The following ATXN7 variants were observed in gnomAD, a reference collection of about 807,000 sequenced individuals.
ATXN7 encodes ataxin 7, also known as ataxin-7.
In ATXN7, 12 loss-of-function variants were observed where a neutral mutation model predicts 70.5. The observed-to-expected ratio is 0.17, with a 90% CI of 0.11 to 0.28. The LOEUF (loss-of-function observed/expected upper bound fraction) is 0.28. ATXN7 is among the 10% of genes least tolerant of loss of function. ATXN7 has a pLI of 1.00. For synonymous variants in ATXN7, 498 were observed against 448.7 expected (o/e 1.11, Z -1.39); for missense variants, 1,256 against 1,131.7 (o/e 1.11, Z -1.58).
At chr3:63,957,708 T>A (rs1449783088) in intron 5 of ATXN7, among the ~76,000 whole-genome samples, 5 of 152,212 alleles carry the variant, frequency 3.3e-5, no homozygotes, top group Non-Finnish European at 5.9e-5. Flanking sequence ...TAGTGTGATA[T>A]TATCAGGAAA....
chr3:63,905,614 A>G (rs1312329745), intron 2 of ATXN7: 1 of 152,226 alleles, frequency 6.6e-6, no homozygotes, highest in African/African-American at 2.4e-5. Context: ...ACCATTTGGA[A>G]AAATCCTCAT....
chr3:63,934,737 T>C (rs1424628694), intron 4 of ATXN7, among the ~76,000 whole-genome samples: 1 of 152,218 alleles, frequency 6.6e-6, no homozygotes, highest in African/African-American at 2.4e-5. Flanking sequence ...TGTTTCAGTT[T>C]CCTCAAAGTG....
intron 11 of ATXN7, among the ~76,000 whole-genome samples, chr3:63,993,789 T>A (rs2075711573): frequency 6.6e-6 from 1 of 152,190 alleles, no homozygotes; most frequent in South Asian, 2.1e-4. Context: ...CCTGGCTTCC[T>A]GAGCCACCTG....
At chr3:63,966,029 T>C (rs1001638106) in intron 5 of ATXN7, among the ~76,000 whole-genome samples, 13 of 152,230 alleles carry the variant, frequency 8.5e-5, no homozygotes, top group African/African-American at 3.1e-4. Flanking sequence ...CCCTGGTTTT[T>C]TACAGGGTTG....
chr3:63,997,832 G>A, intron 12 of ATXN7: 1 of 1,446,022 alleles, frequency 6.9e-7, no homozygotes, highest in Non-Finnish European at 9.1e-7. Flanking sequence ...CTAATATTTG[G>A]GTGAATTAAC....
chr3:63,918,296 A>T (rs946522980), intron 4 of ATXN7, among the ~76,000 whole-genome samples: 1 of 152,212 alleles, frequency 6.6e-6, no homozygotes, highest in African/African-American at 2.4e-5. Flanking sequence ...AAAATGGTTC[A>T]TGGTTAATTA....
chr3:63,863,814 CGGCGGCGGCGCAAGCTGAGGCGGCGGTT>C (rs1702309603), upstream of ATXN7: 14 of 1,234,246 alleles, frequency 1.1e-5, no homozygotes, highest in Admixed American at 3.0e-4. Context: ...GCGGCGGCGG[CGGCGGCGGCGCAAGCTGAGGCGGCGGTT>C]GGCGGCGGCG....
chr3:63,935,576 CT>C (rs943063882), intron 4 of ATXN7, among the ~76,000 whole-genome samples: 6 of 152,224 alleles, frequency 3.9e-5, no homozygotes, highest in African/African-American at 9.6e-5. Flanking sequence ...AATACTGTGC[CT>C]TTTTTTCCCC....
chr3:63,899,928 T>C (rs1171154245), intron 2 of ATXN7, among the ~76,000 whole-genome samples: 2 of 152,030 alleles, frequency 1.3e-5, no homozygotes, highest in African/African-American at 4.8e-5. Context: ...AAAAAAAATT[T>C]AAAAAATTAG....
At position 64,000,080 on chromosome 3, in the gene ATXN7, C is replaced by A. The variant is rs759197372; in HGVS notation, c.*613C>A. On this transcript the variant is annotated 3_prime_UTR_variant, in exon 13 of 13. Transcript: ENST00000674280. ...AAGACACCATGACAAAATAGCCCAG[C>A]CTTTTGAGAGTAATTTGGGAAAAGA... 6.6e-6 allele frequency: 1 copy of A among 152,556 alleles called. No individual in the cohort carries two copies. The highest frequency in any genetic ancestry group is 2.4e-5 in the African/African-American group (1 of 41,374). The allele number at this position is 152,556 out of a possible 1,614,324, so 9.5% of individuals were successfully genotyped here. A position where few individuals can be genotyped will look rare whatever the true frequency, so the allele number is the denominator to read the frequency against.
intron 6 of ATXN7, chr3:63,980,469 T>C: frequency 6.3e-6 from 2 of 318,956 alleles, no homozygotes; most frequent in East Asian, 1.1e-4. Flanking sequence ...GAATAGGTAC[T>C]GTTACTATCC....
At chr3:63,955,859 C>T (rs572739990) in intron 5 of ATXN7, among the ~76,000 whole-genome samples, 6 of 152,278 alleles carry the variant, frequency 3.9e-5, no homozygotes, top group Non-Finnish European at 7.3e-5. Flanking sequence ...CAGGCAGTTC[C>T]GTTAAAACCA....
intron 1 of ATXN7, among the ~76,000 whole-genome samples, chr3:63,894,487 G>A (rs1275006038): frequency 3.3e-5 from 5 of 152,136 alleles, no homozygotes; most frequent in Non-Finnish European, 7.3e-5. Context: ...CAATTCTAGT[G>A]CCAGACACAG....
intron 2 of ATXN7, chr3:63,901,145 T>C (rs1484333698): frequency 5.3e-5 from 8 of 152,204 alleles, no homozygotes; most frequent in Non-Finnish European, 1.2e-4. Context: ...CAAGTAAAAA[T>C]TGGATATGTT....
intron 12 of ATXN7, chr3:63,999,228 G>T: frequency 2.0e-6 from 1 of 505,510 alleles, no homozygotes; most frequent in East Asian, 3.2e-5. Context: ...CTTCTAGCCA[G>T]TTGGCTAGAA....
chr3:63,951,053 AG>A (rs2074945007), intron 4 of ATXN7, among the ~76,000 whole-genome samples: 1 of 152,120 alleles, frequency 6.6e-6, no homozygotes, highest in Admixed American at 6.6e-5. Flanking sequence ...TCTTCTTTAG[AG>A]GGGGGATATA....
intron 4 of ATXN7, among the ~76,000 whole-genome samples, chr3:63,948,200 T>C (rs887579733): frequency 6.6e-6 from 1 of 152,106 alleles, no homozygotes; most frequent in Non-Finnish European, 1.5e-5. Flanking sequence ...ATGAAGATTT[T>C]AGGATAGAAC....
chr3:63,991,786 T>C (rs2075675526), intron 11 of ATXN7, among the ~76,000 whole-genome samples: 1 of 151,682 alleles, frequency 6.6e-6, no homozygotes, highest in Admixed American at 6.6e-5. Flanking sequence ...GAAGAAGAGT[T>C]CCATGGCCAA....
chr3:63,935,298 T>G (rs1233534495), intron 4 of ATXN7, among the ~76,000 whole-genome samples: 2 of 152,170 alleles, frequency 1.3e-5, no homozygotes, highest in Non-Finnish European at 2.9e-5. Flanking sequence ...TATCTTGAGT[T>G]TCACTGGTAT....
Sources: gnomAD v4.1 joint callset for allele counts (sites outside exome capture counted in the v4.1 genomes callset) on GRCh38, gnomAD v4.1.1 for gene constraint, MANE v1.5 for transcripts, NCBI Gene and HGNC (gene_info 2026-07-23, HGNC 2026-07-21) for gene names.